TAMM41: variants seen among roughly 807,000 people sequenced by gnomAD.
TAMM41 encodes phosphatidate cytidylyltransferase, mitochondrial.
TAMM41 carries 36 observed loss-of-function variants against 44.1 expected under a neutral mutation model. The ratio of observed to expected loss-of-function variants is 0.82; its 90% CI spans 0.63 to 1.08. TAMM41 has a LOEUF of 1.08. Ranked by LOEUF, TAMM41 falls within the 50% of genes least tolerant of loss-of-function variation. The pLI is 0.00. For missense variants in TAMM41, 417 were observed against 404.3 expected (o/e 1.03, Z -0.27); for synonymous variants, 164 against 153.1 (o/e 1.07, Z -0.53).
chr3:11,761,664 C>T, the TAMM41 span, among the ~76,000 whole-genome samples: 1 of 151,958 alleles, frequency 6.6e-6, no homozygotes, highest in Non-Finnish European at 1.5e-5. Context: ...GATCCTTCCC[C>T]TTCCGGGCGC....
intron 4 of TAMM41, among the ~76,000 whole-genome samples, chr3:11,824,318 G>C (rs527421417): frequency 1.3e-3 from 190 of 148,338 alleles, no homozygotes; most frequent in African/African-American, 4.6e-3. Context: ...AGCCTCCCTA[G>C]TAGCTGGGAC....
chr3:11,829,424 T>C (rs762959781), intron 4 of TAMM41, among the ~76,000 whole-genome samples: 1 of 152,206 alleles, frequency 6.6e-6, no homozygotes, highest in Non-Finnish European at 1.5e-5. Flanking sequence ...GAAAAGGGCA[T>C]AGGGAGTTTT....
chr3:11,809,704 C>T lies in TAMM41; in HGVS notation c.709-22G>A, dbSNP rs181881902. 6.0e-5 allele frequency: 96 copies of T among 1,589,004 alleles called. No homozygotes were observed. In the African/African-American group the frequency reaches 1.1e-3, roughly 18 times the overall value. ...CTATCTGAAGGGAGGAAAAAAAAGA[C>T]GACGTCTATGGAAGTGCTTTAAATC... On this transcript the variant is annotated intron_variant, in intron 5 of 7. Coordinates refer to ENST00000455809, the MANE Select transcript of TAMM41 (RefSeq NM_001284401.2).
rs2079704416 is a variant in TAMM41, at chr3:11,846,570, C to A, written c.67G>T (p.Glu23Ter). 6.2e-7 allele frequency: 1 copy of A among 1,614,240 alleles called. No individual in the cohort carries two copies. Among genetic ancestry groups the A allele is most frequent in the Non-Finnish European group, 8.5e-7 (1 of 1,180,046 alleles). The change falls in exon 1 of 8, where the codon GAG becomes TAG. Residue 23 changes from glutamate to a stop codon, truncating the protein, a stop_gained. Coordinates refer to ENST00000455809, the MANE Select transcript of TAMM41 (RefSeq NM_001284401.2). LOFTEE classifies it high-confidence loss of function. ...CCGTAGACGAAAGCCAGACTCAGCT[C>A]CTCGGGGAAGTGAGACAGGATCTTG... ...FRKILSHFPEELSLAFVYGSG... is the reference protein window; with the variant it reads ...FRKILSHFPE
At chr3:11,754,710 T>TC in the TAMM41 span, among the ~76,000 whole-genome samples, 482 of 57,660 alleles carry the variant, frequency 8.4e-3, 2 homozygotes, top group African/African-American at 0.035. Flanking sequence ...TCAGATCTCT[T>TC]TTTTTTTTTT....
rs1050528213 is a variant in TAMM41 at position 11,813,862 on chromosome 3, A to G, written c.708+3330T>C. On this transcript the variant is annotated intron_variant, in intron 5 of 7. Coordinates refer to ENST00000455809, the MANE Select transcript of TAMM41 (RefSeq NM_001284401.2). The stretch of plus-strand genomic sequence containing the variant: ...TGTGTGTGTGTGTGTGTGTGTATGT[A>G]TGTATATATATGTATATATGTATAT... Among the ~76,000 whole-genome samples, 528 of 130,882 alleles carry G rather than the reference A, an allele frequency of 4.0e-3. 4 individuals carry two copies. Among genetic ancestry groups the G allele is most frequent in the African/African-American group, 0.014 (469 of 32,856 alleles). The allele number at this position is 130,882 out of a possible 152,430, so 85.9% of individuals were successfully genotyped here.
chr3:11,781,648 T>C, the TAMM41 span, among the ~76,000 whole-genome samples: 1 of 151,698 alleles, frequency 6.6e-6, no homozygotes, highest in Non-Finnish European at 1.5e-5. Context: ...GGCAGGAGAA[T>C]TGCTTGAACC....
the TAMM41 span, among the ~76,000 whole-genome samples, chr3:11,733,210 G>T: frequency 1.3e-5 from 2 of 151,798 alleles, no homozygotes; most frequent in Non-Finnish European, 2.9e-5. Context: ...TATTGGCCAG[G>T]CTGGTCTTGA....
chr3:11,795,169 T>C (rs374694283), intron 7 of TAMM41, among the ~76,000 whole-genome samples: 479 of 152,294 alleles, frequency 3.1e-3, no homozygotes, highest in Non-Finnish European at 5.7e-3. Flanking sequence ...GAACCTGTCT[T>C]GTTAATTTAG....
the TAMM41 span, among the ~76,000 whole-genome samples, chr3:11,771,071 T>C: frequency 6.6e-6 from 1 of 152,180 alleles, no homozygotes; most frequent in Non-Finnish European, 1.5e-5. Context: ...CTCCCTGCTC[T>C]AGGTGGTCTG....
At chr3:11,722,905 G>A in the TAMM41 span, among the ~76,000 whole-genome samples, 1 of 152,230 alleles carries the variant, frequency 6.6e-6, no homozygotes, top group Non-Finnish European at 1.5e-5. Context: ...GGAGGCTGCA[G>A]TGAGCCGAGA....
the TAMM41 span, among the ~76,000 whole-genome samples, chr3:11,766,833 G>T: frequency 3.3e-5 from 5 of 151,862 alleles, no homozygotes; most frequent in African/African-American, 4.8e-5. Flanking sequence ...ACCTCCTAAA[G>T]TGTGGGATTA....
the TAMM41 span, among the ~76,000 whole-genome samples, chr3:11,729,350 G>A: frequency 6.6e-6 from 1 of 151,616 alleles, no homozygotes; most frequent in Admixed American, 6.6e-5. Flanking sequence ...TGGATTCAAG[G>A]CCAGTCAGAA....
At chr3:11,777,103 TAA>T in the TAMM41 span, among the ~76,000 whole-genome samples, 1 of 152,204 alleles carries the variant, frequency 6.6e-6, no homozygotes, top group Non-Finnish European at 1.5e-5. Context: ...TGAAATTTGC[TAA>T]GAGAGTAGCT....
the TAMM41 span, among the ~76,000 whole-genome samples, chr3:11,765,399 A>C: frequency 1.1e-4 from 17 of 152,184 alleles, no homozygotes; most frequent in South Asian, 3.3e-3. Context: ...TGCCACAACA[A>C]CACTATGGAG....
At chr3:11,784,796 C>CTTTTTTTTTTTTTT in the TAMM41 span, among the ~76,000 whole-genome samples, 4 of 109,032 alleles carry the variant, frequency 3.7e-5, no homozygotes, top group African/African-American at 7.3e-5. Context: ...CTTTTCTTTT[C>CTTTTTTTTTTTTTT]TTTTTTTTTT....
At chr3:11,793,319 C>T (rs538289561) in intron 7 of TAMM41, among the ~76,000 whole-genome samples, 2 of 152,252 alleles carry the variant, frequency 1.3e-5, no homozygotes, top group African/African-American at 4.8e-5. Context: ...AATATGGTAC[C>T]ACTAGTCACC....
At chr3:11,770,218 T>C in the TAMM41 span, among the ~76,000 whole-genome samples, 5 of 152,250 alleles carry the variant, frequency 3.3e-5, no homozygotes, top group East Asian at 7.7e-4. Flanking sequence ...TTCTGCAAAA[T>C]TGGCATCCAT....
chr3:11,725,380 C>CTT, the TAMM41 span, among the ~76,000 whole-genome samples: 11 of 132,282 alleles, frequency 8.3e-5, 1 homozygote, highest in African/African-American at 2.6e-4. Context: ...TCCTCCTCTT[C>CTT]CTCCTCCTTC....
Sources: allele counts gnomAD v4.1 joint callset (sites outside exome capture counted in the v4.1 genomes callset), GRCh38; gene constraint gnomAD v4.1.1; transcripts MANE v1.5; gene names NCBI Gene and HGNC (gene_info 2026-07-23, HGNC 2026-07-21).